Variants in SLC67A1 observed in about 807,000 individuals in gnomAD.
SLC67A1 encodes the protein solute carrier family 67 member A1.
the SLC67A1 span, chr11:2,921,230 C>CA: frequency 0.59 from 66,072 of 112,620 alleles, 19,347 homozygotes; most frequent in East Asian, 0.87. Context: ...GACGCCATCT[C>CA]AAAAAAAAAA....
the SLC67A1 span, chr11:2,921,395 TG>T: frequency 6.6e-6 from 1 of 152,430 alleles, no homozygotes; most frequent in South Asian, 2.1e-4. Flanking sequence ...TGCTGCAGGC[TG>T]GGCCTGCCCT....
the SLC67A1 span, chr11:2,919,433 G>T: frequency 6.5e-7 from 1 of 1,548,892 alleles, no homozygotes; most frequent in Non-Finnish European, 8.9e-7. Context: ...GGGCCTGCTG[G>T]GGGGCACGGC....
the SLC67A1 span, chr11:2,909,480 G>C: frequency 1.9e-5 from 27 of 1,436,790 alleles, no homozygotes; most frequent in Non-Finnish European, 2.5e-5. Flanking sequence ...GACGGGGGTG[G>C]GGGGCGACGT....
At chr11:2,910,660 G>A in the SLC67A1 span, among the ~76,000 whole-genome samples, 5 of 152,160 alleles carry the variant, frequency 3.3e-5, no homozygotes, top group Admixed American at 2.6e-4. Context: ...CCGAGGTGGG[G>A]GAGGACAGTG....
the SLC67A1 span, among the ~76,000 whole-genome samples, chr11:2,915,477 G>A: frequency 6.6e-6 from 1 of 152,160 alleles, no homozygotes; most frequent in African/African-American, 2.4e-5. Context: ...GATCTGTTGA[G>A]GTTGGGGCAG....
the SLC67A1 span, among the ~76,000 whole-genome samples, chr11:2,910,751 G>T: frequency 0.8 from 122,372 of 152,078 alleles, 49,414 homozygotes; most frequent in East Asian, 0.91. Flanking sequence ...GATGTGGGTG[G>T]GAACTCAAGA....
At chr11:2,903,410 G>A in the SLC67A1 span, 14,557 of 1,613,100 alleles carry the variant, frequency 9.0e-3, 100 homozygotes, top group Middle Eastern at 0.013. Context: ...GCTCTAGGCC[G>A]GTCCTCGGTC....
the SLC67A1 span, among the ~76,000 whole-genome samples, chr11:2,913,178 G>A: frequency 6.6e-6 from 1 of 152,182 alleles, no homozygotes; most frequent in East Asian, 1.9e-4. Context: ...GGATATGGGC[G>A]ACCCAGGCCC....
chr11:2,917,689 A>T, the SLC67A1 span, among the ~76,000 whole-genome samples: 5 of 152,212 alleles, frequency 3.3e-5, no homozygotes, highest in Non-Finnish European at 7.4e-5. Flanking sequence ...GGCCTCCGCC[A>T]CTGCATGCCC....
chr11:2,922,123 G>A, the SLC67A1 span: 21 of 1,613,172 alleles, frequency 1.3e-5, no homozygotes, highest in Middle Eastern at 1.7e-4. Context: ...CCTGGTCATC[G>A]GGCAGCTGAG....
chr11:2,925,046 T>G, the SLC67A1 span: 2 of 1,613,472 alleles, frequency 1.2e-6, no homozygotes, highest in Non-Finnish European at 1.7e-6. This position sits in a 1 kb window ranked among gnomAD's most constrained non-coding sequence, Gnocchi z 6.5. Context: ...GTACAACCAC[T>G]GCTCCGAACT....
At chr11:2,925,133 A>G in the SLC67A1 span, 3 of 1,613,900 alleles carry the variant, frequency 1.9e-6, no homozygotes, top group East Asian at 6.7e-5. This position sits in a 1 kb window ranked among gnomAD's most constrained non-coding sequence, Gnocchi z 6.5. Context: ...GTTGCTATCA[A>G]TACCCTTGTC....
At chr11:2,903,289 G>A in the SLC67A1 span, 1 of 1,587,026 alleles carries the variant, frequency 6.3e-7, no homozygotes, top group Non-Finnish European at 8.6e-7. Flanking sequence ...TTTGCCCCCT[G>A]CTCCGCCAGC....
chr11:2,908,098 C>G, the SLC67A1 span: 1 of 619,536 alleles, frequency 1.6e-6, no homozygotes, highest in Non-Finnish European at 2.9e-6. Flanking sequence ...GGAAGGGCCC[C>G]TCGATGGTCA....
the SLC67A1 span, chr11:2,925,226 A>G: frequency 1.3e-6 from 2 of 1,598,130 alleles, no homozygotes; most frequent in South Asian, 2.2e-5. This position sits in a 1 kb window ranked among gnomAD's most constrained non-coding sequence, Gnocchi z 6.5. Context: ...CTGGCAATAA[A>G]CTCCTACTAA....
At chr11:2,917,312 C>A in the SLC67A1 span, among the ~76,000 whole-genome samples, 11 of 152,328 alleles carry the variant, frequency 7.2e-5, no homozygotes, top group African/African-American at 2.6e-4. Context: ...GACTAAGAGC[C>A]CAGCCTGGGC....
the SLC67A1 span, chr11:2,922,217 G>T: frequency 1.2e-6 from 2 of 1,606,866 alleles, no homozygotes; most frequent in South Asian, 1.1e-5. Flanking sequence ...AGGGCTCCCC[G>T]CTTTGGGCCC....
chr11:2,919,267 G>A, the SLC67A1 span: 98 of 1,487,906 alleles, frequency 6.6e-5, no homozygotes, highest in Non-Finnish European at 8.4e-5. Flanking sequence ...CAAGGTCGGG[G>A]TGTGGGGGTA....
At chr11:2,903,545 C>G in the SLC67A1 span, 3 of 1,596,696 alleles carry the variant, frequency 1.9e-6, no homozygotes, top group Middle Eastern at 3.3e-4. Flanking sequence ...CGCTGTTCCT[C>G]CTGCCCTCCA....
Sources: gnomAD v4.1 joint callset for allele counts (sites outside exome capture counted in the v4.1 genomes callset) on GRCh38, gnomAD v4.1.1 for gene constraint, Gnocchi (gnomAD v3.1) non-coding constraint, MANE v1.5 for transcripts, NCBI Gene and HGNC (gene_info 2026-07-23, HGNC 2026-07-21) for gene names.